The following MDFI variants were observed in gnomAD, a reference collection of about 807,000 sequenced individuals.
MDFI encodes inhibitor of MyoD family a.
MDFI carries 16 observed loss-of-function variants against 22.3 expected under a neutral mutation model. The observed-to-expected ratio is 0.72, with a 90% confidence interval of 0.49 to 1.09. The LOEUF is 1.09. Ranked by LOEUF, MDFI falls within the 50% of genes least tolerant of loss-of-function variation. The probability of loss-of-function intolerance (pLI) is 0.00; values close to 1 mark genes in which losing one functional copy is unlikely to be tolerated. For missense variants in MDFI, 314 were observed against 326.1 expected, an observed-to-expected ratio of 0.96 and a Z score of 0.29; for synonymous variants, 145 against 142.7, an observed-to-expected ratio of 1.02 and a Z score of -0.12.
chr6:41,646,408 C>A, intron 3 of MDFI, 100 bp downstream of exon 3: 1 of 1,111,386 alleles, frequency 9.0e-7, no homozygotes, highest in Non-Finnish European at 1.2e-6. Flanking sequence ...CCCGCTTGGC[C>A]AGAACCTTGA....
chr6:41,638,922 A>G lies in MDFI; in HGVS notation c.76+97A>G, dbSNP rs1767739219. ...CCTCTCCGTCCCCAGACGCGGGGAG[A>G]CCGTTCCAGGGAGCTTGGTGGGGGT... On this transcript the variant is annotated intron_variant, in intron 2 of 4. Coordinates refer to ENST00000230321, the MANE Select transcript of MDFI (RefSeq NM_005586.4). The surrounding 1 kb of genome is among the most constrained non-coding windows in gnomAD (Gnocchi z 7.6). The G allele has an allele frequency of 2.2e-6, 3 of 1,339,350 alleles. No homozygotes were observed. The African/African-American group carries it at 4.5e-5, about 20-fold the overall frequency. 83.0% of individuals were successfully genotyped at this position (1,339,350 alleles called of 1,614,324 possible). A position where few individuals can be genotyped will look rare whatever the true frequency, so the allele number is the denominator to read the frequency against.
chr6:41,639,517 AG>A (rs1179673134), intron 2 of MDFI: 2 of 985,374 alleles, frequency 2.0e-6, no homozygotes, highest in East Asian at 2.3e-4. Context: ...GACTCCCTGA[AG>A]GGGTTTGGAG....
chr6:41,645,735 C>T (rs1186298060), intron 2 of MDFI, among the ~76,000 whole-genome samples: 1 of 152,154 alleles, frequency 6.6e-6, no homozygotes, highest in Admixed American at 6.5e-5. Context: ...TTTACCTCTA[C>T]CTCTCACTGT....
chr6:41,644,634 C>A (rs984865475), intron 2 of MDFI, among the ~76,000 whole-genome samples: 1 of 152,138 alleles, frequency 6.6e-6, no homozygotes, highest in Admixed American at 6.5e-5. Context: ...TCCCATCCCC[C>A]AGGCCTGCAT....
upstream of MDFI, chr6:41,637,365 G>A (rs1010100885): frequency 8.5e-5 from 13 of 152,094 alleles, no homozygotes; most frequent in African/African-American, 2.4e-4. This position sits in a 1 kb window ranked among gnomAD's most constrained non-coding sequence, Gnocchi z 6.8. Context: ...TTCCAGACCC[G>A]GCTGGACTCG....
chr6:41,639,859 C>T (rs948861915), intron 2 of MDFI: 2 of 985,330 alleles, frequency 2.0e-6, no homozygotes, highest in South Asian at 4.7e-5. Flanking sequence ...CCTCCACATG[C>T]GCCCTCGAAG....
At chr6:41,639,661 C>A in intron 2 of MDFI, 3 of 985,426 alleles carry the variant, frequency 3.0e-6, no homozygotes, top group Non-Finnish European at 3.6e-6. Flanking sequence ...CCAGGGGAAC[C>A]GCGTGCAGGA....
chr6:41,647,937 G>A (rs1046072377), intron 3 of MDFI, among the ~76,000 whole-genome samples: 4 of 151,430 alleles, frequency 2.6e-5, no homozygotes, highest in Middle Eastern at 3.4e-3. Flanking sequence ...CTAGCTACTC[G>A]GGAGGCTGAG....
intron 4 of MDFI, among the ~76,000 whole-genome samples, chr6:41,650,821 G>A (rs959515883): frequency 2.0e-5 from 3 of 151,646 alleles, no homozygotes; most frequent in Non-Finnish European, 2.9e-5. Context: ...TGATCCACCC[G>A]CCTCGGCCTC....
Position 41,638,918 on chromosome 6 carries a change from G to A in MDFI, c.76+93G>A. Reference sequence around the variant, plus strand: ...TTCTCCTCTCCGTCCCCAGACGCGGGGAGACCGTTCCAGGGAGCTTGGTGG... The same window carrying A: ...TTCTCCTCTCCGTCCCCAGACGCGGAGAGACCGTTCCAGGGAGCTTGGTGG... On this transcript the variant is annotated intron_variant, in intron 2 of 4. Transcript: ENST00000230321. This position sits in a 1 kb window ranked among gnomAD's most constrained non-coding sequence, Gnocchi z 7.6. The A allele has an allele frequency of 1.5e-6, 2 of 1,360,724 alleles. No homozygotes were observed. The highest frequency in any genetic ancestry group is 2.0e-6 in the Non-Finnish European group (2 of 1,012,778). 84.3% of individuals were successfully genotyped at this position (1,360,724 alleles called of 1,614,324 possible). A position where few individuals can be genotyped will look rare whatever the true frequency, so the allele number is the denominator to read the frequency against.
intron 2 of MDFI, among the ~76,000 whole-genome samples, chr6:41,641,218 C>T (rs1767842037): frequency 6.6e-6 from 1 of 152,186 alleles, no homozygotes; most frequent in African/African-American, 2.4e-5. Flanking sequence ...CCTGGGGATG[C>T]AGAGATGAAT....
Position 41,638,505 on chromosome 6 carries a change from TG to T in MDFI, c.-156del, listed in dbSNP as rs1385017859. ...CGAACGGCGTGAGCTGGCGCCGAAA[TG>T]GGAGAAAGCAGCGAGTGAGAGGGGA... On this transcript the variant is annotated 5_prime_UTR_variant, in exon 1 of 5. An upstream open reading frame in the 5' UTR loses its in-frame stop. Coordinates refer to ENST00000230321, the MANE Select transcript of MDFI (RefSeq NM_005586.4). This position sits in a 1 kb window ranked among gnomAD's most constrained non-coding sequence, Gnocchi z 7.6. 4 of 514,816 alleles carry T rather than the reference TG, an allele frequency of 7.8e-6. No individual in the cohort carries two copies. Among genetic ancestry groups the T allele is most frequent in the Non-Finnish European group, 1.4e-5 (4 of 294,386 alleles). The allele number at this position is 514,816 out of a possible 1,614,324, so 31.9% of individuals were successfully genotyped here.
At chr6:41,649,973 A>G (rs1768208937) in intron 4 of MDFI, 130 bp downstream of exon 4, 3 of 780,160 alleles carry the variant, frequency 3.8e-6, no homozygotes, top group Non-Finnish European at 6.1e-6. Flanking sequence ...GCCTCCTTCC[A>G]CGCCTACTGG....
intron 2 of MDFI, among the ~76,000 whole-genome samples, chr6:41,644,823 C>G (rs1315462309): frequency 6.6e-6 from 1 of 151,916 alleles, no homozygotes; most frequent in Non-Finnish European, 1.5e-5. Flanking sequence ...CTCTGTGTCT[C>G]TGTCTCTGCA....
rs768210940 is a variant in MDFI at position 41,643,548 on chromosome 6, G to GGGAAGGAA, written c.77-2554_77-2547dup. On this transcript the variant is annotated intron_variant, in intron 2 of 4. Transcript: ENST00000230321. ...CAGGAAGGAGGGAAGGAGGGAAGGA[G>GGGAAGGAA]GGAAGGAAGGAAGGAAGGAAGGAAG... 4.2e-3 allele frequency among the ~76,000 whole-genome samples: 318 copies of GGGAAGGAA among 75,382 alleles called. 3 individuals are homozygous for GGGAAGGAA. Among genetic ancestry groups the GGGAAGGAA allele is most frequent in the Middle Eastern group, 0.015 (2 of 132 alleles). The allele number at this position is 75,382 out of a possible 152,430, so 49.5% of individuals were successfully genotyped here.
At chr6:41,639,075 C>A (rs1176436428) in intron 2 of MDFI, among the ~76,000 whole-genome samples, 3 of 144,488 alleles carry the variant, frequency 2.1e-5, no homozygotes, top group African/African-American at 8.6e-5. Context: ...CTCCCGACAC[C>A]AGACACACAC....
intron 3 of MDFI, among the ~76,000 whole-genome samples, chr6:41,647,095 G>A (rs1450769477): frequency 1.3e-5 from 2 of 152,174 alleles, no homozygotes; most frequent in African/African-American, 4.8e-5. Context: ...CTCCAGCCAG[G>A]GCATCTGGGG....
Position 41,653,859 on chromosome 6 carries a change from A to C in MDFI, c.*284A>C. ...TGCTGAGGACCTGACAGGACAACCT[A>C]GGGGCAGGGCTGGGGTGGGGACCGC... On this transcript the variant is annotated 3_prime_UTR_variant, in exon 5 of 5. Transcript: ENST00000230321. This position sits in a 1 kb window ranked among gnomAD's most constrained non-coding sequence, Gnocchi z 4.2. 126 of 346,844 alleles carry C rather than the reference A, an allele frequency of 3.6e-4. No homozygotes were observed. The highest frequency in any genetic ancestry group is 1.9e-3 in the Middle Eastern group (2 of 1,034). The allele number at this position is 346,844 out of a possible 1,614,324, so 21.5% of individuals were successfully genotyped here.
chr6:41,646,397 A>T (rs962453988), intron 3 of MDFI, 89 bp downstream of exon 3: 41 of 1,207,740 alleles, frequency 3.4e-5, no homozygotes, highest in Admixed American at 2.7e-4. Context: ...AAATGGGTGC[A>T]CCCGCTTGGC....
Sources: allele counts gnomAD v4.1 joint callset (sites outside exome capture counted in the v4.1 genomes callset), GRCh38; gene constraint gnomAD v4.1.1; non-coding constraint Gnocchi (gnomAD v3.1); transcripts MANE v1.5; gene names NCBI Gene and HGNC (gene_info 2026-07-23, HGNC 2026-07-21).